TRAF3IP1: variants seen among roughly 807,000 people sequenced by gnomAD.
The protein encoded by TRAF3IP1 is intraflagellar transport 54.
Under a neutral mutation model 89.9 loss-of-function variants are expected in TRAF3IP1, and 53 were observed. The observed-to-expected ratio is 0.59, with a 90% CI of 0.47 to 0.74. The LOEUF (loss-of-function observed/expected upper bound fraction) is 0.74. TRAF3IP1 is among the 30% of genes least tolerant of loss of function. TRAF3IP1 has a pLI of 0.00. For synonymous variants in TRAF3IP1, 311 were observed against 322.1 expected, an observed-to-expected ratio of 0.97 and a Z score of 0.37; for missense variants, 806 against 866.1, an observed-to-expected ratio of 0.93 and a Z score of 0.87.
At chr2:238,362,249 A>G (rs1699694371) in intron 15 of TRAF3IP1, among the ~76,000 whole-genome samples, 1 of 150,318 alleles carries the variant, frequency 6.7e-6, no homozygotes, top group South Asian at 2.1e-4. Flanking sequence ...CTTTCAAACT[A>G]ATTTTTTTTT....
intron 9 of TRAF3IP1, 74 bp from the exon 10 acceptor site, chr2:238,347,381 A>G: frequency 6.6e-7 from 1 of 1,515,018 alleles, no homozygotes; most frequent in Non-Finnish European, 9.1e-7. Context: ...TTTTTTCTCC[A>G]ATTCTGTTCT....
At chr2:238,361,821 T>C in intron 15 of TRAF3IP1, among the ~76,000 whole-genome samples, 1 of 152,352 alleles carries the variant, frequency 6.6e-6, no homozygotes, top group South Asian at 2.1e-4. Context: ...GGAATCGTAT[T>C]GATCTTCGCT....
In TRAF3IP1 at chr2:238,325,195, A is replaced by G. The variant is rs189725641; in HGVS notation, c.124-111A>G. 4 of 1,060,964 alleles carry G rather than the reference A, an allele frequency of 3.8e-6. No homozygotes were observed. In the South Asian group the frequency reaches 3.8e-5, roughly 10 times the overall value. The allele number at this position is 1,060,964 out of a possible 1,614,324, so 65.7% of individuals were successfully genotyped here. On this transcript the variant is annotated intron_variant, in intron 1 of 16. Transcript: ENST00000373327. ...AATATTTCTTAAGTGGATGATTCAA[A>G]TCTGGGCTGCTAGTCAATTCTGACA...
At chr2:238,391,934 A>G (rs1701009984) in intron 15 of TRAF3IP1, among the ~76,000 whole-genome samples, 1 of 152,244 alleles carries the variant, frequency 6.6e-6, no homozygotes, top group African/African-American at 2.4e-5. Context: ...GTGTATAATA[A>G]AGACAATATA....
chr2:238,368,082 T>A (rs1699962824), intron 15 of TRAF3IP1, among the ~76,000 whole-genome samples: 1 of 152,228 alleles, frequency 6.6e-6, no homozygotes, highest in East Asian at 1.9e-4. Context: ...CACACATGTA[T>A]TTTTCTAGTT....
At chr2:238,348,597 A>AT (rs1699006753) in intron 10 of TRAF3IP1, among the ~76,000 whole-genome samples, 167 bp from the exon 11 acceptor site, 1 of 152,062 alleles carries the variant, frequency 6.6e-6, no homozygotes, top group East Asian at 1.9e-4. Context: ...TCAGACATCG[A>AT]TTTTCTCTTC....
chr2:238,335,659 C>G (rs1698348715), intron 7 of TRAF3IP1, among the ~76,000 whole-genome samples: 1 of 152,116 alleles, frequency 6.6e-6, no homozygotes, highest in South Asian at 2.1e-4. Flanking sequence ...GTTTAGGCAC[C>G]TCTAACTTCA....
At chr2:238,364,262 A>T (rs1574944091) in intron 15 of TRAF3IP1, among the ~76,000 whole-genome samples, 1 of 152,166 alleles carries the variant, frequency 6.6e-6, no homozygotes, top group Admixed American at 6.6e-5. Flanking sequence ...TTCTTATTGT[A>T]CTAATGGACT....
At chr2:238,397,725 T>TA (rs2106386985) in intron 16 of TRAF3IP1, 46 bp downstream of exon 16, 1 of 83,164 alleles carries the variant, frequency 1.2e-5, no homozygotes, top group Non-Finnish European at 2.2e-5. Context: ...GGAGCAGAGG[T>TA]GGGGGGTAGT....
At chr2:238,363,728 A>G (rs864756) in intron 15 of TRAF3IP1, among the ~76,000 whole-genome samples, 110,552 of 152,026 alleles carry the variant, frequency 0.73, 40,435 homozygotes, top group Middle Eastern at 0.79. Flanking sequence ...TTGGGAGGCC[A>G]AGGTGGGCGG....
intron 15 of TRAF3IP1, among the ~76,000 whole-genome samples, chr2:238,367,724 T>C (rs1699944566): frequency 6.6e-6 from 1 of 152,024 alleles, no homozygotes; most frequent in Admixed American, 6.6e-5. Flanking sequence ...GCTGAGGAAA[T>C]TGAGGCTTAG....
At chr2:238,353,607 A>G (rs555253697) in intron 14 of TRAF3IP1, among the ~76,000 whole-genome samples, 2 of 152,304 alleles carry the variant, frequency 1.3e-5, no homozygotes, top group South Asian at 2.1e-4. Flanking sequence ...TCCCCACACC[A>G]GGGTTTGAGT....
Position 238,329,320 on chromosome 2 carries a change from A to G in TRAF3IP1, c.893A>G (p.Glu298Gly). The G allele has an allele frequency of 7.2e-7, 1 of 1,384,988 alleles. No individual in the cohort carries two copies. The highest frequency in any genetic ancestry group is 9.4e-7 in the Non-Finnish European group (1 of 1,061,880). The allele number at this position is 1,384,988 out of a possible 1,614,324, so 85.8% of individuals were successfully genotyped here. ...GACCTGGACAGGGAGAAGAACAGAG[A>G]GCATGACAAACCTGAGAAAAAGGTA... ...SWDLDREKNR[E>G]HDKPEKKSAS... The change falls in exon 5 of 17, where the codon GAG becomes GGG. Residue 298 changes from glutamate (E) to glycine (G), a missense_variant. Around this residue, in one of 3 missense-constraint regions of TRAF3IP1, gnomAD observed 732 missense variants for 780.5 expected, o/e 0.94. Coordinates refer to ENST00000373327, the MANE Select transcript of TRAF3IP1 (RefSeq NM_015650.4).
intron 15 of TRAF3IP1, among the ~76,000 whole-genome samples, chr2:238,388,626 C>A (rs1700874311): frequency 8.0e-6 from 1 of 125,346 alleles, no homozygotes; most frequent in Non-Finnish European, 1.6e-5. Context: ...GAGACAGAGT[C>A]CTGCTCTGTT....
chr2:238,326,085 C>A, intron 3 of TRAF3IP1, 115 bp downstream of exon 3: 3 of 984,138 alleles, frequency 3.0e-6, no homozygotes, highest in Non-Finnish European at 4.5e-6. Context: ...TGGTGTCTGT[C>A]AAACACTGTG....
At chr2:238,321,824 C>T (rs893129249) in intron 1 of TRAF3IP1, among the ~76,000 whole-genome samples, 2 of 152,190 alleles carry the variant, frequency 1.3e-5, no homozygotes, top group African/African-American at 4.8e-5. Flanking sequence ...GGCCTCATGA[C>T]CTCACCTGGT....
intron 15 of TRAF3IP1, among the ~76,000 whole-genome samples, chr2:238,368,117 G>A (rs1699964950): frequency 1.3e-5 from 2 of 152,130 alleles, no homozygotes. Context: ...CTTGCTGTCT[G>A]TTTCTGACCT....
chr2:238,353,617 T>G (rs1317993079), intron 14 of TRAF3IP1, among the ~76,000 whole-genome samples: 1 of 152,182 alleles, frequency 6.6e-6, no homozygotes, highest in Non-Finnish European at 1.5e-5. Context: ...AGGGTTTGAG[T>G]ATCCTGGAAC....
chr2:238,395,443 A>G (rs1413815245), intron 15 of TRAF3IP1, among the ~76,000 whole-genome samples: 2 of 152,212 alleles, frequency 1.3e-5, no homozygotes, highest in Non-Finnish European at 2.9e-5. Flanking sequence ...AAGAAAACCT[A>G]GGCAATACCA....
Sources: gnomAD v4.1 joint callset for allele counts (sites outside exome capture counted in the v4.1 genomes callset) on GRCh38, gnomAD v4.1.1 for gene constraint, gnomAD v4.1.1 regional missense constraint, MANE v1.5 for transcripts, NCBI Gene and HGNC (gene_info 2026-07-23, HGNC 2026-07-21) for gene names.